Variants in HERC4 observed in about 807,000 individuals in gnomAD.
HERC4 encodes the protein probable E3 ubiquitin-protein ligase HERC4.
HERC4 carries 28 observed loss-of-function variants against 124.3 expected under a neutral mutation model. That is an observed-to-expected ratio of 0.23 (90% confidence interval 0.17 to 0.31). The LOEUF is 0.31. Among genes scored for constraint, HERC4 ranks in the 10% least tolerant of loss-of-function variants. The pLI, the probability that HERC4 is intolerant of heterozygous loss-of-function variation, is 1.00. For missense variants in HERC4, 713 were observed against 1,229.3 expected (o/e 0.58, Z 6.28); for synonymous variants, 407 against 421.5 (o/e 0.97, Z 0.42).
At chr10:67,936,119 A>G (rs2032335129) in intron 22 of HERC4, 34 bp downstream of exon 22, 1 of 1,359,336 alleles carries the variant, frequency 7.4e-7, no homozygotes, top group South Asian at 1.3e-5. Flanking sequence ...ACTGAATCTT[A>G]TTACTCCCAC....
At chr10:67,927,424 AT>A (rs1167084404) in intron 23 of HERC4, among the ~76,000 whole-genome samples, 4 of 7,060 alleles carry the variant, frequency 5.7e-4, no homozygotes, top group African/African-American at 1.4e-3. Flanking sequence ...ATATATATAT[AT>A]ATATATTTTT....
At chr10:68,051,116 A>C (rs1459033931) in intron 3 of HERC4, among the ~76,000 whole-genome samples, 1 of 151,146 alleles carries the variant, frequency 6.6e-6, no homozygotes, top group Non-Finnish European at 1.5e-5. Context: ...AAAAAAAAAA[A>C]CAAAGAAAAA....
intron 23 of HERC4, among the ~76,000 whole-genome samples, chr10:67,928,566 C>T (rs966675245): frequency 6.6e-6 from 1 of 152,230 alleles, no homozygotes; most frequent in South Asian, 2.1e-4. Context: ...CAACCTTCAT[C>T]CCTGCCATTA....
intron 3 of HERC4, among the ~76,000 whole-genome samples, chr10:68,047,891 T>G (rs1036698864): frequency 6.6e-6 from 1 of 152,068 alleles, no homozygotes; most frequent in Non-Finnish European, 1.5e-5. Context: ...CAAACACTTA[T>G]GTCCACATAA....
intron 4 of HERC4, among the ~76,000 whole-genome samples, chr10:68,038,599 C>G (rs1589391619): frequency 6.6e-6 from 1 of 152,262 alleles, no homozygotes; most frequent in South Asian, 2.1e-4. Context: ...AATGCACGTT[C>G]TCCTTTATCG....
chr10:67,995,559 T>C (rs137975620), intron 9 of HERC4, among the ~76,000 whole-genome samples: 129 of 151,376 alleles, frequency 8.5e-4, no homozygotes, highest in African/African-American at 3.0e-3. Flanking sequence ...TATTTATCTA[T>C]TAGCTGTCTT....
intron 19 of HERC4, among the ~76,000 whole-genome samples, chr10:67,945,510 G>C (rs954818800): frequency 3.3e-5 from 5 of 152,144 alleles, no homozygotes; most frequent in African/African-American, 1.2e-4. Context: ...ATGTGAAGGA[G>C]CAAAACTCAC....
intron 9 of HERC4, chr10:67,994,130 C>A (rs1188433858): frequency 6.6e-6 from 1 of 152,074 alleles, no homozygotes; most frequent in African/African-American, 2.4e-5. Flanking sequence ...CCGTAAGTCA[C>A]AAGAATACCC....
intron 14 of HERC4, 83 bp from the exon 15 acceptor site, chr10:67,988,918 A>T (rs2036409005): frequency 9.2e-7 from 1 of 1,085,858 alleles, no homozygotes; most frequent in Non-Finnish European, 1.4e-6. Flanking sequence ...TTTTTTTCTG[A>T]AACAGTAGTT....
chr10:68,000,809 C>T (rs771200673), intron 9 of HERC4, among the ~76,000 whole-genome samples: 4 of 152,058 alleles, frequency 2.6e-5, no homozygotes, highest in African/African-American at 4.8e-5. Flanking sequence ...CAGCAAACCA[C>T]CAGAAACTAG....
chr10:67,984,752 T>G (rs1210144579), intron 15 of HERC4, among the ~76,000 whole-genome samples: 2 of 152,228 alleles, frequency 1.3e-5, no homozygotes, highest in South Asian at 2.1e-4. Context: ...TCAATTAATT[T>G]TTGTAATTTT....
intron 7 of HERC4, among the ~76,000 whole-genome samples, chr10:68,030,855 C>T (rs1463900977): frequency 1.3e-5 from 2 of 152,052 alleles, no homozygotes; most frequent in Non-Finnish European, 2.9e-5. Context: ...TATCTATAAA[C>T]ATGGTATGTC....
intron 9 of HERC4, among the ~76,000 whole-genome samples, chr10:68,002,589 T>A (rs2037294903): frequency 1.4e-5 from 2 of 147,688 alleles, no homozygotes; most frequent in East Asian, 1.9e-4. Context: ...TTTAATTTTT[T>A]AAATTTTTAC....
At chr10:67,952,104 CT>C (rs1443375237) in intron 19 of HERC4, among the ~76,000 whole-genome samples, 2 of 152,164 alleles carry the variant, frequency 1.3e-5, no homozygotes, top group Admixed American at 6.5e-5. Context: ...ATCTCAGCCC[CT>C]CAATACAATT....
At chr10:68,051,437 C>T (rs1201432437) in intron 3 of HERC4, among the ~76,000 whole-genome samples, 3 of 149,912 alleles carry the variant, frequency 2.0e-5, no homozygotes, top group Non-Finnish European at 4.4e-5. Flanking sequence ...CTCTGCCTCC[C>T]GGGTTCGCGC....
At chr10:67,953,308 T>C (rs944883042) in intron 19 of HERC4, among the ~76,000 whole-genome samples, 6 of 152,184 alleles carry the variant, frequency 3.9e-5, no homozygotes, top group Non-Finnish European at 7.3e-5. Context: ...TTAAATTATA[T>C]CAAAACTATA....
intron 14 of HERC4, 21 bp from the exon 15 acceptor site, chr10:67,988,856 T>C (rs1363766261): frequency 1.3e-6 from 2 of 1,556,108 alleles, no homozygotes; most frequent in Non-Finnish European, 1.7e-6. Flanking sequence ...AAAGTGAACA[T>C]GCAAATAAAA....
chr10:67,949,667 C>T (rs2033652989), intron 19 of HERC4, among the ~76,000 whole-genome samples: 1 of 152,146 alleles, frequency 6.6e-6, no homozygotes, highest in Admixed American at 6.5e-5. Context: ...ATAAGAAAAT[C>T]AACCAGCATA....
intron 17 of HERC4, 104 bp from the exon 18 acceptor site, chr10:67,955,234 C>CATAGGAATTA: frequency 1.0e-6 from 1 of 957,918 alleles, no homozygotes; most frequent in Non-Finnish European, 1.5e-6. Context: ...TCTATAATTC[C>CATAGGAATTA]TATGCTACTG....
Sources: allele counts gnomAD v4.1 joint callset (sites outside exome capture counted in the v4.1 genomes callset), GRCh38; gene constraint gnomAD v4.1.1; transcripts MANE v1.5; gene names NCBI Gene and HGNC (gene_info 2026-07-23, HGNC 2026-07-21).